Variants in PROC observed in about 807,000 individuals in gnomAD.
The protein encoded by PROC is vitamin K-dependent protein C.
A neutral mutation model predicts 36.3 loss-of-function variants in PROC; 22 were observed. The ratio of observed to expected loss-of-function variants is 0.61; its 90% CI spans 0.43 to 0.86. The LOEUF (loss-of-function observed/expected upper bound fraction) is 0.86, where lower values mean the gene tolerates loss of function less well. Among genes scored for constraint, PROC ranks in the 40% least tolerant of loss-of-function variants. The probability of loss-of-function intolerance (pLI) is 0.00; values close to 1 mark genes in which losing one functional copy is unlikely to be tolerated. For synonymous variants in PROC, 218 were observed against 244.5 expected (o/e 0.89, Z 1.01); for missense variants, 526 against 629.7 (o/e 0.84, Z 1.76).
chr2:127,423,403 C>A lies in PROC; in HGVS notation c.530C>A (p.Pro177His). The change falls in exon 6 of 9, where the codon CCC becomes CAC. Residue 177 changes from proline (P) to histidine (H), a missense_variant. Physicochemically the swap from Pro to His is moderately conservative, Grantham distance 77 (BLOSUM62 -2). Transcript: ENST00000234071. The part of the protein sequence containing the change: ...KLGDDLLQCH[P>H]AVKFPCGRPW... ...GGGGACGACCTCCTGCAGTGTCACC[C>A]CGCAGGTGAGAAGCCCCCAATACAT... The A allele has an allele frequency of 6.5e-7, 1 of 1,549,928 alleles. No homozygotes were observed. The highest frequency in any genetic ancestry group is 2.4e-5 in the East Asian group (1 of 40,880).
At position 127,426,972 on chromosome 2, in the gene PROC, A is replaced by G. The variant is rs940359414; in HGVS notation, c.679-133A>G. On this transcript the variant is annotated intron_variant, in intron 7 of 8. Coordinates refer to ENST00000234071, the MANE Select transcript of PROC (RefSeq NM_000312.4). The surrounding 1 kb of genome is among the most constrained non-coding windows in gnomAD (Gnocchi z 7.0). Reference sequence around the variant, plus strand: ...ACACTGTAAAATGGGCAAAAATAGAAAACGCCAGAAAGGGCCTAAGCCTAT... The same window carrying G: ...ACACTGTAAAATGGGCAAAAATAGAGAACGCCAGAAAGGGCCTAAGCCTAT... 1.2e-6 allele frequency: 1 copy of G among 817,004 alleles called. No individual in the cohort carries two copies. The highest frequency in any genetic ancestry group is 1.7e-5 in the African/African-American group (1 of 59,070). 50.6% of individuals were successfully genotyped at this position (817,004 alleles called of 1,614,324 possible). A position where few individuals can be genotyped will look rare whatever the true frequency, so the allele number is the denominator to read the frequency against.
At chr2:127,419,327 C>T (rs1687953496) in intron 1 of PROC, among the ~76,000 whole-genome samples, 1 of 152,214 alleles carries the variant, frequency 6.6e-6, no homozygotes, top group Admixed American at 6.5e-5. Context: ...CTCATGTTTA[C>T]TGAGCATGAG....
intron 2 of PROC, 93 bp downstream of exon 2, chr2:127,420,105 T>G: frequency 7.1e-7 from 1 of 1,410,448 alleles, no homozygotes; most frequent in Non-Finnish European, 9.9e-7. Flanking sequence ...CCACCATCTC[T>G]CTGAGCCCTG....
chr2:127,419,270 A>T (rs1024696008), intron 1 of PROC, among the ~76,000 whole-genome samples: 12 of 152,204 alleles, frequency 7.9e-5, no homozygotes, highest in Admixed American at 6.5e-4. Context: ...GACAGCATTA[A>T]TAACTACCTC....
chr2:127,423,310 G>A lies in PROC; in HGVS notation c.437G>A (p.Gly146Asp). ...SFLNCSLDNG[G>D]CTHYCLEEVG... ...CTCAATTGCTCGCTGGACAACGGCGGCTGCACGCATTACTGCCTAGAGGAG... is the reference window on the plus strand; with the variant it reads ...CTCAATTGCTCGCTGGACAACGGCGACTGCACGCATTACTGCCTAGAGGAG... Residue 146 changes from glycine to aspartate, a missense_variant, in exon 6 of 9, where the codon GGC (glycine) becomes GAC (aspartate). Coordinates refer to ENST00000234071, the MANE Select transcript of PROC (RefSeq NM_000312.4). 1 of 1,550,092 alleles carries A rather than the reference G, an allele frequency of 6.5e-7. No individual in the cohort carries two copies. The highest frequency in any genetic ancestry group is 8.7e-7 in the Non-Finnish European group (1 of 1,146,988).
At position 127,426,782 on chromosome 2, in the gene PROC, C is replaced by G. The variant is rs1347334970; in HGVS notation, c.679-323C>G. On this transcript the variant is annotated intron_variant, in intron 7 of 8. Coordinates refer to ENST00000234071, the MANE Select transcript of PROC (RefSeq NM_000312.4). The surrounding 1 kb of genome is among the most constrained non-coding windows in gnomAD (Gnocchi z 7.0). ...AGGCCCAAGGGGAACATCCAGGCAG[C>G]CTGGGGGCCACAAAGTCTTCCTGGA... 6.6e-6 allele frequency among the ~76,000 whole-genome samples: 1 copy of G among 152,154 alleles called. No individual in the cohort carries two copies. The highest frequency in any genetic ancestry group is 1.5e-5 in the Non-Finnish European group (1 of 68,016).
chr2:127,427,021 G>A (rs1688547628), intron 7 of PROC, 84 bp from the exon 8 acceptor site: 1 of 1,182,136 alleles, frequency 8.5e-7, no homozygotes, highest in Non-Finnish European at 1.3e-6. Flanking sequence ...GGGAACCCAG[G>A]AAAGTGCATA....
intron 2 of PROC, 22 bp downstream of exon 2, chr2:127,420,034 C>A (rs763331943): frequency 1.9e-6 from 3 of 1,612,120 alleles, no homozygotes; most frequent in Admixed American, 3.3e-5. Flanking sequence ...CCACCCCTAC[C>A]CCGGGACCCT....
chr2:127,422,100 C>A (rs1688131289), intron 3 of PROC, among the ~76,000 whole-genome samples: 1 of 152,184 alleles, frequency 6.6e-6, no homozygotes, highest in South Asian at 2.1e-4. Context: ...CGGCCTGGGC[C>A]CCCTTCCAAG....
At chr2:127,427,795 A>G (rs1364419914) in intron 8 of PROC, among the ~76,000 whole-genome samples, 1 of 152,232 alleles carries the variant, frequency 6.6e-6, no homozygotes, top group Non-Finnish European at 1.5e-5. Context: ...CCTACAGCAT[A>G]ATCTATGGCC....
rs1428124291 is a variant in PROC, at chr2:127,428,877, C to T, written c.1317C>T (p.Ser439=). The T allele has an allele frequency of 1.9e-6, 3 of 1,613,894 alleles. No individual in the cohort carries two copies. The highest frequency in any genetic ancestry group is 2.5e-6 in the Non-Finnish European group (3 of 1,179,986). Residue 439 remains serine (S), a synonymous_variant, in exon 9 of 9, where the codon AGC becomes AGT. Transcript: ENST00000234071. ...LHNYGVYTKV[S]RYLDWIHGHI... ...ACTACGGCGTTTACACCAAAGTCAG[C>T]CGCTACCTCGACTGGATCCATGGGC...
chr2:127,421,985 A>G (rs1040197339), intron 3 of PROC, among the ~76,000 whole-genome samples: 1 of 152,168 alleles, frequency 6.6e-6, no homozygotes, highest in African/African-American at 2.4e-5. Context: ...ACGTGGCCCT[A>G]GGTAGTAGGG....
rs1573452863 is a variant in PROC at position 127,426,095 on chromosome 2, T to C, written c.546T>C (p.Pro182=). The change falls in exon 7 of 9, where the codon CCT becomes CCC. Residue 182 remains proline, a synonymous_variant. Coordinates refer to ENST00000234071, the MANE Select transcript of PROC (RefSeq NM_000312.4). This position sits in a 1 kb window ranked among gnomAD's most constrained non-coding sequence, Gnocchi z 7.0. The part of the protein sequence containing the change: ...LLQCHPAVKF[P]CGRPWKRMEK... ...CTCTGCCTACCTCAGTGAAGTTCCC[T>C]TGTGGGAGGCCCTGGAAGCGGATGG... is the stretch of plus-strand genomic sequence containing the variant. The C allele has an allele frequency of 2.5e-6, 4 of 1,613,994 alleles. No individual in the cohort carries two copies. The highest frequency in any genetic ancestry group is 3.4e-6 in the Non-Finnish European group (4 of 1,179,988).
chr2:127,419,934 G>A lies in PROC; in HGVS notation c.-9G>A, dbSNP rs1436681393. The stretch of plus-strand genomic sequence containing the variant: ...AAGTCCTCCTCAGACAGGTGCCAGT[G>A]CCTCCAGAATGTGGCAGCTCACAAG... On this transcript the variant is annotated 5_prime_UTR_variant, in exon 2 of 9. Transcript: ENST00000234071. 2 of 1,613,992 alleles carry A rather than the reference G, an allele frequency of 1.2e-6. No individual in the cohort carries two copies. The highest frequency in any genetic ancestry group is 1.7e-5 in the Admixed American group (1 of 60,034).
rs372009652 is a variant in PROC at position 127,418,935 on chromosome 2, G to T, written c.-22+443G>T. Among the ~76,000 whole-genome samples the T allele has an allele frequency of 1.1e-4, 17 of 152,308 alleles. No individual in the cohort carries two copies. In the East Asian group the frequency reaches 2.9e-3, roughly 26 times the overall value. ...CTCTGGCCACCAGGGCTATCTCTGT[G>T]GCCTTTTGGAGCACCTGGTGGTTTG... On this transcript the variant is annotated intron_variant, in intron 1 of 8. Coordinates refer to ENST00000234071, the MANE Select transcript of PROC (RefSeq NM_000312.4). The surrounding 1 kb of genome is among the most constrained non-coding windows in gnomAD (Gnocchi z 4.8).
chr2:127,418,475 T>A lies in PROC; in HGVS notation c.-39T>A. 7.8e-7 allele frequency: 1 copy of A among 1,289,734 alleles called. No homozygotes were observed. Among genetic ancestry groups the A allele is most frequent in the Non-Finnish European group, 1.0e-6 (1 of 988,840 alleles). 79.9% of individuals were successfully genotyped at this position (1,289,734 alleles called of 1,614,324 possible). A position where few individuals can be genotyped will look rare whatever the true frequency, so the allele number is the denominator to read the frequency against. ...GCGGCAGGACGGCGAACTTGCAGTA[T>A]CTCCACGACCCGCCCCTGTGAGTCC... On this transcript the variant is annotated 5_prime_UTR_variant, in exon 1 of 9. Transcript: ENST00000234071. The surrounding 1 kb of genome is among the most constrained non-coding windows in gnomAD (Gnocchi z 4.8).
chr2:127,428,094 A>G (rs1352493848), intron 8 of PROC, among the ~76,000 whole-genome samples: 1 of 152,088 alleles, frequency 6.6e-6, no homozygotes, highest in African/African-American at 2.4e-5. Flanking sequence ...ACTCCTGAAA[A>G]CCAACCAGCA....
At chr2:127,422,835 T>A in intron 3 of PROC, 82 bp from the exon 4 acceptor site, 1 of 1,498,306 alleles carries the variant, frequency 6.7e-7, no homozygotes, top group Non-Finnish European at 9.0e-7. Context: ...CCCTGCCCGC[T>A]CACCCGCTGC....
chr2:127,419,421 C>T lies in PROC; in HGVS notation c.-21-501C>T, dbSNP rs921292135. Reference sequence around the variant, plus strand: ...CACCCTTTAAGGCACAGATACACCACGTTATTCCATCCATTTTACAAATGA... The same window carrying T: ...CACCCTTTAAGGCACAGATACACCATGTTATTCCATCCATTTTACAAATGA... On this transcript the variant is annotated intron_variant, in intron 1 of 8. Coordinates refer to ENST00000234071, the MANE Select transcript of PROC (RefSeq NM_000312.4). Among the ~76,000 whole-genome samples, 8 of 152,146 alleles carry T rather than the reference C, an allele frequency of 5.3e-5. No individual in the cohort carries two copies. The South Asian group carries it at 8.3e-4, about 16-fold the overall frequency.
Sources: gnomAD v4.1 joint callset for allele counts (sites outside exome capture counted in the v4.1 genomes callset) on GRCh38, gnomAD v4.1.1 for gene constraint, Gnocchi (gnomAD v3.1) non-coding constraint, MANE v1.5 for transcripts, NCBI Gene and HGNC (gene_info 2026-07-23, HGNC 2026-07-21) for gene names.